Variants in HIP1 observed in about 807,000 individuals in gnomAD.
HIP1 encodes the protein huntingtin-interacting protein 1.
In HIP1, 65 loss-of-function variants were observed where a neutral mutation model predicts 147.6. The ratio of observed to expected loss-of-function variants is 0.44; its 90% CI spans 0.36 to 0.54. HIP1 has a LOEUF of 0.54. Among genes scored for constraint, HIP1 ranks in the 20% least tolerant of loss-of-function variants. HIP1 has a pLI of 0.00. For synonymous variants in HIP1, 479 were observed against 504.0 expected, an observed-to-expected ratio of 0.95 and a Z score of 0.67; for missense variants, 1,061 against 1,299.6, an observed-to-expected ratio of 0.82 and a Z score of 2.82.
intron 8 of HIP1, among the ~76,000 whole-genome samples, chr7:75,571,198 A>G (rs1286082404): frequency 6.6e-6 from 1 of 151,998 alleles, no homozygotes; most frequent in Non-Finnish European, 1.5e-5. Flanking sequence ...AGTAACTGGG[A>G]CTGCAGGTGT....
In HIP1 at chr7:75,650,249, G is replaced by A. The variant is rs576539890; in HGVS notation, c.121-51002C>T. Among the ~76,000 whole-genome samples, 14 of 152,202 alleles carry A rather than the reference G, an allele frequency of 9.2e-5. No homozygotes were observed. The South Asian group carries it at 2.9e-3, about 32-fold the overall frequency. ...GCCACTCAGCCAAGTCCCTGAGTCAGCAAACAGCCTGGAAACCTCGCCTCA... is the reference window on the plus strand; with the variant it reads ...GCCACTCAGCCAAGTCCCTGAGTCAACAAACAGCCTGGAAACCTCGCCTCA... On this transcript the variant is annotated intron_variant, in intron 1 of 30. Coordinates refer to ENST00000336926, the MANE Select transcript of HIP1 (RefSeq NM_005338.7).
intron 1 of HIP1, among the ~76,000 whole-genome samples, chr7:75,658,970 T>C (rs1554513187): frequency 6.6e-6 from 1 of 152,054 alleles, no homozygotes; most frequent in African/African-American, 2.4e-5. Context: ...GGCAGGACTA[T>C]GTGAATGTGA....
At chr7:75,691,607 T>G (rs1584954513) in intron 1 of HIP1, among the ~76,000 whole-genome samples, 1 of 151,918 alleles carries the variant, frequency 6.6e-6, no homozygotes, top group African/African-American at 2.4e-5. Flanking sequence ...GAGACCAGCC[T>G]GGCCAGCATG....
chr7:75,661,173 G>A (rs1045956447), intron 1 of HIP1, among the ~76,000 whole-genome samples: 3 of 151,742 alleles, frequency 2.0e-5, no homozygotes, highest in Non-Finnish European at 4.4e-5. Flanking sequence ...AGCTACTCAG[G>A]AGGTTGAGAA....
chr7:75,547,568 C>T (rs902929909), intron 24 of HIP1, among the ~76,000 whole-genome samples, 187 bp downstream of exon 24: 2 of 151,976 alleles, frequency 1.3e-5, no homozygotes, highest in Admixed American at 6.6e-5. Flanking sequence ...GCGCGGGTTT[C>T]TTTTCTATAG....
Position 75,568,882 on chromosome 7 carries a change from G to A in HIP1, c.746-626C>T, listed in dbSNP as rs1221291571. Among the ~76,000 whole-genome samples, 2 of 152,218 alleles carry A rather than the reference G, an allele frequency of 1.3e-5. No homozygotes were observed. Among genetic ancestry groups the A allele is most frequent in the African/African-American group, 2.4e-5 (1 of 41,458 alleles). The stretch of plus-strand genomic sequence containing the variant: ...AAATTAGCCGGGCGCGGTGGCATGC[G>A]CCTGTAATCCCAGCTACTTGGGAGG... On this transcript the variant is annotated intron_variant, in intron 8 of 30. Coordinates refer to ENST00000336926, the MANE Select transcript of HIP1 (RefSeq NM_005338.7). This position sits in a 1 kb window ranked among gnomAD's most constrained non-coding sequence, Gnocchi z 4.1.
At chr7:75,593,012 A>T (rs1796556353) in intron 2 of HIP1, among the ~76,000 whole-genome samples, 1 of 152,166 alleles carries the variant, frequency 6.6e-6, no homozygotes, top group African/African-American at 2.4e-5. Flanking sequence ...TCTGTCACCC[A>T]GACTGGAGTG....
intron 1 of HIP1, among the ~76,000 whole-genome samples, chr7:75,640,752 CAATAATAATAATAAT>C (rs139850457): frequency 3.5e-5 from 3 of 85,004 alleles, no homozygotes; most frequent in Non-Finnish European, 7.6e-5. Context: ...GACTCCATCT[CAATAATAATAATAAT>C]AATAATAATA....
At chr7:75,651,460 CAAAAAAAAAA>C (rs1168846001) in intron 1 of HIP1, among the ~76,000 whole-genome samples, 112 of 44,130 alleles carry the variant, frequency 2.5e-3, no homozygotes, top group Middle Eastern at 0.033. Context: ...CTCCATATCT[CAAAAAAAAAA>C]AAAAAAAAAA....
chr7:75,671,086 T>C (rs1325770166), intron 1 of HIP1, among the ~76,000 whole-genome samples: 2 of 152,074 alleles, frequency 1.3e-5, no homozygotes, highest in Non-Finnish European at 2.9e-5. Flanking sequence ...AGAATTTCCT[T>C]CCTTTTTATT....
In HIP1 at chr7:75,538,122, C is replaced by T. The variant is rs782302839; in HGVS notation, c.*50G>A. Reference sequence around the variant, plus strand: ...CCTGTGGCTGGGGAAATAACACACACGAGATAGGTAACAAGGATTTACACT... The same window carrying T: ...CCTGTGGCTGGGGAAATAACACACATGAGATAGGTAACAAGGATTTACACT... On this transcript the variant is annotated 3_prime_UTR_variant, in exon 31 of 31. Coordinates refer to ENST00000336926, the MANE Select transcript of HIP1 (RefSeq NM_005338.7). The T allele has an allele frequency of 1.2e-5, 17 of 1,474,084 alleles. No homozygotes were observed. The highest frequency in any genetic ancestry group is 3.4e-5 in the South Asian group (3 of 88,286). The allele number at this position is 1,474,084 out of a possible 1,614,324, so 91.3% of individuals were successfully genotyped here. A position where few individuals can be genotyped will look rare whatever the true frequency, so the allele number is the denominator to read the frequency against.
chr7:75,723,237 T>A (rs1471666478), intron 1 of HIP1, among the ~76,000 whole-genome samples: 3 of 152,036 alleles, frequency 2.0e-5, no homozygotes, highest in African/African-American at 7.2e-5. Context: ...CTGGGTGTGG[T>A]GGTGCGTCCC....
rs1799417988 is a variant in HIP1, at chr7:75,664,002, A to AG, written c.121-64756_121-64755insC. On this transcript the variant is annotated intron_variant, in intron 1 of 30. Transcript: ENST00000336926. ...TATATGTGTATATATATACACATATATGTGTATATATATACACATATATGT... is the reference window on the plus strand; with the variant it reads ...TATATGTGTATATATATACACATATAGTGTGTATATATATACACATATATGT... Among the ~76,000 whole-genome samples, 2 of 27,910 alleles carry AG rather than the reference A, an allele frequency of 7.2e-5. 1 individual carries two copies. The highest frequency in any genetic ancestry group is 2.0e-3 in the South Asian group (2 of 980). The allele number at this position is 27,910 out of a possible 152,430, so 18.3% of individuals were successfully genotyped here.
At chr7:75,599,580 A>G (rs1796895443) in intron 1 of HIP1, among the ~76,000 whole-genome samples, 1 of 152,072 alleles carries the variant, frequency 6.6e-6, no homozygotes, top group African/African-American at 2.4e-5. Flanking sequence ...CCAGGGAAAC[A>G]TTATTTCTCC....
At chr7:75,708,952 C>T (rs782408993) in intron 1 of HIP1, among the ~76,000 whole-genome samples, 2 of 152,072 alleles carry the variant, frequency 1.3e-5, no homozygotes, top group Non-Finnish European at 2.9e-5. Context: ...TTTGCCACAT[C>T]TTAACAATAT....
chr7:75,545,889 C>T (rs1427512333), intron 25 of HIP1, among the ~76,000 whole-genome samples: 1 of 152,068 alleles, frequency 6.6e-6, no homozygotes, highest in Non-Finnish European at 1.5e-5. Context: ...TGCAGTGAGC[C>T]GAGATTGCAC....
intron 1 of HIP1, among the ~76,000 whole-genome samples, chr7:75,645,514 A>C (rs1328972506): frequency 6.6e-6 from 1 of 152,194 alleles, no homozygotes; most frequent in East Asian, 1.9e-4. Flanking sequence ...GATGTGAGCC[A>C]CTGCACCCGG....
At chr7:75,577,130 G>A (rs782209075) in intron 7 of HIP1, among the ~76,000 whole-genome samples, 7 of 151,804 alleles carry the variant, frequency 4.6e-5, no homozygotes, top group Non-Finnish European at 8.8e-5. Context: ...TCAGGAGTTC[G>A]AGACCAGCCT....
chr7:75,553,887 G>A (rs782812380), intron 21 of HIP1, among the ~76,000 whole-genome samples: 51 of 152,048 alleles, frequency 3.4e-4, no homozygotes, highest in African/African-American at 8.9e-4. Context: ...GATTACAGGC[G>A]TGAACCATTG....
Sources: gnomAD v4.1 joint callset for allele counts (sites outside exome capture counted in the v4.1 genomes callset) on GRCh38, gnomAD v4.1.1 for gene constraint, Gnocchi (gnomAD v3.1) non-coding constraint, MANE v1.5 for transcripts, NCBI Gene and HGNC (gene_info 2026-07-23, HGNC 2026-07-21) for gene names.